The following PSTPIP2 variants were observed in gnomAD, a reference collection of about 807,000 sequenced individuals.
PSTPIP2 encodes proline-serine-threonine phosphatase-interacting protein 2.
PSTPIP2 carries 33 observed loss-of-function variants against 63.3 expected under a neutral mutation model. The observed-to-expected ratio is 0.52, with a 90% CI of 0.40 to 0.70. The LOEUF (loss-of-function observed/expected upper bound fraction) is 0.70, where lower values mean the gene tolerates loss of function less well. PSTPIP2 is among the 30% of genes least tolerant of loss of function. The probability of loss-of-function intolerance (pLI) is 0.00; values close to 1 mark genes in which losing one functional copy is unlikely to be tolerated. For missense variants in PSTPIP2, 312 were observed against 400.7 expected (o/e 0.78, Z 1.89); for synonymous variants, 125 against 132.7 (o/e 0.94, Z 0.40).
chr18:46,045,959 C>A (rs909940321), intron 1 of PSTPIP2, among the ~76,000 whole-genome samples: 7 of 152,168 alleles, frequency 4.6e-5, no homozygotes, highest in African/African-American at 1.4e-4. Context: ...CAACAAAAAA[C>A]CAACTTCTTT....
In PSTPIP2 at chr18:46,016,053, AT is replaced by A. The variant is rs1339622806; in HGVS notation, c.213-117del. On this transcript the variant is annotated intron_variant, in intron 3 of 14. Transcript: ENST00000409746. ...ATCTTAACTTAGAAACTACAGACCA[AT>A]TTTTGCCCATGAGCTAGAGAGACAG... 6.6e-6 allele frequency: 8 copies of A among 1,207,024 alleles called. No homozygotes were observed. The Admixed American group carries it at 1.1e-4, about 17-fold the overall frequency. The allele number at this position is 1,207,024 out of a possible 1,614,324, so 74.8% of individuals were successfully genotyped here. A position where few individuals can be genotyped will look rare whatever the true frequency, so the allele number is the denominator to read the frequency against.
chr18:46,004,035 G>A (rs1266584810), intron 6 of PSTPIP2, among the ~76,000 whole-genome samples: 2 of 151,936 alleles, frequency 1.3e-5, no homozygotes, highest in African/African-American at 4.8e-5. Context: ...CGAAGTGCTG[G>A]GATTACAGGT....
At chr18:46,028,355 CT>C (rs1480021870) in intron 2 of PSTPIP2, 2 of 486,136 alleles carry the variant, frequency 4.1e-6, no homozygotes, top group Admixed American at 2.6e-5. Flanking sequence ...CCCCAAAAGG[CT>C]GCCGCTTCAT....
chr18:46,050,950 C>T (rs62095448), intron 1 of PSTPIP2, among the ~76,000 whole-genome samples: 2,492 of 152,016 alleles, frequency 0.016, 36 homozygotes, highest in Non-Finnish European at 0.026. Context: ...GCAACCTCCA[C>T]CTCCTAGGTT....
chr18:45,990,602 G>A, intron 13 of PSTPIP2, 120 bp downstream of exon 13: 1 of 797,098 alleles, frequency 1.3e-6, no homozygotes, highest in South Asian at 1.7e-5. Flanking sequence ...GCTAATTTTT[G>A]TATTTTTAGT....
At chr18:46,065,456 ATTTTTGTTTTCGGTTGTT>A (rs1432364758) in intron 1 of PSTPIP2, among the ~76,000 whole-genome samples, 1 of 150,894 alleles carries the variant, frequency 6.6e-6, no homozygotes, top group Non-Finnish European at 1.5e-5. Context: ...TGCCTGGCTA[ATTTTTGTTTTCGGTTGTT>A]TGTTTGTTTT....
At chr18:46,060,672 T>C (rs546080904) in intron 1 of PSTPIP2, among the ~76,000 whole-genome samples, 2 of 152,382 alleles carry the variant, frequency 1.3e-5, no homozygotes, top group South Asian at 4.1e-4. Context: ...GCAGTCTTTG[T>C]ACACTCAAAC....
intron 1 of PSTPIP2, among the ~76,000 whole-genome samples, chr18:46,051,146 C>A (rs1908568159): frequency 6.6e-6 from 1 of 152,142 alleles, no homozygotes; most frequent in South Asian, 2.1e-4. Flanking sequence ...TAGGCCTGAG[C>A]CACTGCACCT....
intron 1 of PSTPIP2, among the ~76,000 whole-genome samples, chr18:46,041,244 A>G (rs1011980882): frequency 2.6e-5 from 4 of 151,892 alleles, no homozygotes; most frequent in Non-Finnish European, 5.9e-5. Flanking sequence ...TATATATGTT[A>G]TGTTTTGTTT....
At chr18:46,063,850 T>G (rs953871991) in intron 1 of PSTPIP2, among the ~76,000 whole-genome samples, 10 of 152,196 alleles carry the variant, frequency 6.6e-5, no homozygotes, top group Non-Finnish European at 1.5e-4. Context: ...TAGCTATGAC[T>G]GACAGAGTGA....
chr18:46,041,028 T>C, intron 1 of PSTPIP2: 2 of 458,984 alleles, frequency 4.4e-6, no homozygotes, highest in Non-Finnish European at 8.8e-6. Flanking sequence ...GTCCTTAAAC[T>C]TGCCACTGAA....
chr18:46,043,547 C>G (rs1346279671), intron 1 of PSTPIP2, among the ~76,000 whole-genome samples: 5 of 152,176 alleles, frequency 3.3e-5, no homozygotes, highest in Non-Finnish European at 7.3e-5. Flanking sequence ...CCTCAGCTAA[C>G]AGCCTATTTA....
intron 9 of PSTPIP2, among the ~76,000 whole-genome samples, chr18:45,994,678 C>A (rs1283199577): frequency 6.6e-6 from 1 of 152,120 alleles, no homozygotes; most frequent in Non-Finnish European, 1.5e-5. Flanking sequence ...TATGATGAAT[C>A]CCTATGTACT....
At chr18:46,040,472 GA>G (rs1908151980) in intron 1 of PSTPIP2, among the ~76,000 whole-genome samples, 7 of 152,140 alleles carry the variant, frequency 4.6e-5, no homozygotes, top group Admixed American at 1.3e-4. Flanking sequence ...CGACAGACTG[GA>G]ACCAGAAAAT....
chr18:46,051,848 T>C (rs1185525259), intron 1 of PSTPIP2, among the ~76,000 whole-genome samples: 1 of 152,234 alleles, frequency 6.6e-6, no homozygotes, highest in Non-Finnish European at 1.5e-5. Context: ...TGAAGTTCTG[T>C]TGGATATCCC....
chr18:46,023,618 A>C (rs1907458949), intron 3 of PSTPIP2, among the ~76,000 whole-genome samples: 1 of 152,102 alleles, frequency 6.6e-6, no homozygotes, highest in Admixed American at 6.5e-5. Context: ...CAAACAAAAA[A>C]ATATATGTAT....
At chr18:45,994,300 T>C (rs948494887) in intron 9 of PSTPIP2, among the ~76,000 whole-genome samples, 3 of 152,246 alleles carry the variant, frequency 2.0e-5, no homozygotes, top group Non-Finnish European at 1.5e-5. Flanking sequence ...ACAGTGGATG[T>C]GATACATCAG....
At chr18:46,059,311 C>T (rs543583434) in intron 1 of PSTPIP2, among the ~76,000 whole-genome samples, 19 of 152,198 alleles carry the variant, frequency 1.2e-4, no homozygotes, top group Admixed American at 3.9e-4. Context: ...TGGAGTGGCA[C>T]GATCTCAGCT....
rs150091336 is a variant in PSTPIP2, at chr18:46,068,918, C to T, written c.33+3238G>A. Among the ~76,000 whole-genome samples, 42 of 152,212 alleles carry T rather than the reference C, an allele frequency of 2.8e-4. No individual in the cohort carries two copies. In the East Asian group the frequency reaches 7.6e-3, roughly 27 times the overall value. ...AAAAGGTTTGGATGAGAGTGACAGC[C>T]TTGTGTTGACAGCAGGGCAATGAGC... On this transcript the variant is annotated intron_variant, in intron 1 of 14. Coordinates refer to ENST00000409746, the MANE Select transcript of PSTPIP2 (RefSeq NM_024430.4).
Sources: allele counts gnomAD v4.1 joint callset (sites outside exome capture counted in the v4.1 genomes callset), GRCh38; gene constraint gnomAD v4.1.1; transcripts MANE v1.5; gene names NCBI Gene and HGNC (gene_info 2026-07-23, HGNC 2026-07-21).